Variants in CRADD observed in about 807,000 individuals in gnomAD.
The protein encoded by CRADD is CARD and death domain containing adaptor protein.
In CRADD, 9 loss-of-function variants were observed where a neutral mutation model predicts 15.5. The observed-to-expected ratio is 0.58, with a 90% CI of 0.35 to 1.01. CRADD has a LOEUF of 1.01. CRADD is among the 50% of genes least tolerant of loss of function. The pLI is 0.02. For missense variants in CRADD, 227 were observed against 250.3 expected (o/e 0.91, Z 0.63); for synonymous variants, 118 against 107.6 (o/e 1.10, Z -0.60).
chr12:93,800,332 C>T (rs951393223), intron 2 of CRADD, among the ~76,000 whole-genome samples: 20 of 152,198 alleles, frequency 1.3e-4, no homozygotes, highest in African/African-American at 4.8e-4. Context: ...AGAGAAAATT[C>T]ACCCTTCCTT....
At chr12:93,729,416 A>C (rs1956424504) in intron 2 of CRADD, among the ~76,000 whole-genome samples, 1 of 152,238 alleles carries the variant, frequency 6.6e-6, no homozygotes. Context: ...TATATACTTA[A>C]TCTTTATTTA....
intron 2 of CRADD, among the ~76,000 whole-genome samples, chr12:93,802,015 G>C (rs1957481694): frequency 6.6e-6 from 1 of 152,208 alleles, no homozygotes; most frequent in South Asian, 2.1e-4. Flanking sequence ...TGCCACAAAA[G>C]ACATTATTTC....
intron 2 of CRADD, among the ~76,000 whole-genome samples, chr12:93,818,155 C>T (rs1339207564): frequency 1.3e-5 from 2 of 152,104 alleles, no homozygotes; most frequent in Admixed American, 6.5e-5. Context: ...TACAAGGACA[C>T]GAACATGCAT....
chr12:93,777,167 C>T (rs773480713), intron 2 of CRADD, among the ~76,000 whole-genome samples: 13 of 152,134 alleles, frequency 8.5e-5, no homozygotes, highest in Non-Finnish European at 1.5e-4. Context: ...AGCCAGCGAG[C>T]CAGGCAAGGT....
At chr12:93,893,914 A>T (rs1958594180) in intron 2 of CRADD, 1 of 626,538 alleles carries the variant, frequency 1.6e-6, no homozygotes, top group Non-Finnish European at 2.8e-6. Flanking sequence ...AAGAAAAAAA[A>T]AAAAATAAGC....
intron 2 of CRADD, among the ~76,000 whole-genome samples, chr12:93,885,766 C>G (rs1029299350): frequency 6.6e-6 from 1 of 152,188 alleles, no homozygotes; most frequent in Non-Finnish European, 1.5e-5. Context: ...GGGCCAGGCA[C>G]AGTGGCTCAC....
At chr12:93,725,006 A>G (rs940234873) in intron 2 of CRADD, among the ~76,000 whole-genome samples, 1 of 151,900 alleles carries the variant, frequency 6.6e-6, no homozygotes, top group African/African-American at 2.4e-5. Flanking sequence ...GACTTCAGGC[A>G]CCCGCCACCA....
At chr12:93,769,523 G>T (rs1592974519) in intron 2 of CRADD, among the ~76,000 whole-genome samples, 1 of 152,176 alleles carries the variant, frequency 6.6e-6, no homozygotes, top group East Asian at 1.9e-4. Flanking sequence ...TATGCCTTAG[G>T]AATGGAATTG....
At chr12:93,774,638 A>G (rs1957122851) in intron 2 of CRADD, among the ~76,000 whole-genome samples, 1 of 152,170 alleles carries the variant, frequency 6.6e-6, no homozygotes, top group African/African-American at 2.4e-5. Context: ...GAGGTTTGGT[A>G]TTTTAGGGTA....
chr12:93,869,152 T>C (rs1958396712), intron 2 of CRADD, among the ~76,000 whole-genome samples: 1 of 152,276 alleles, frequency 6.6e-6, no homozygotes, highest in South Asian at 2.1e-4. Flanking sequence ...CATCATGCCC[T>C]AGATATAAGG....
chr12:93,741,747 C>A (rs1287082453), intron 2 of CRADD, among the ~76,000 whole-genome samples: 1 of 152,154 alleles, frequency 6.6e-6, no homozygotes, highest in East Asian at 1.9e-4. Flanking sequence ...TACTCACAAG[C>A]CTTTCTGCTT....
At chr12:93,725,164 C>G (rs538671018) in intron 2 of CRADD, among the ~76,000 whole-genome samples, 1 of 152,212 alleles carries the variant, frequency 6.6e-6, no homozygotes, top group South Asian at 2.1e-4. Flanking sequence ...CCGGCCCAGA[C>G]TTATTATTTT....
At chr12:93,890,734 T>C in intron 2 of CRADD, among the ~76,000 whole-genome samples, 1 of 151,980 alleles carries the variant, frequency 6.6e-6, no homozygotes, top group Non-Finnish European at 1.5e-5. Context: ...TGTTTTCTTT[T>C]GTTGTTGTTG....
intron 2 of CRADD, among the ~76,000 whole-genome samples, chr12:93,695,603 A>G (rs1412388629): frequency 6.6e-6 from 1 of 152,162 alleles, no homozygotes; most frequent in Non-Finnish European, 1.5e-5. Context: ...CAAGAAAACA[A>G]CCCAATTAAA....
intron 2 of CRADD, among the ~76,000 whole-genome samples, chr12:93,764,854 ACTTT>A (rs1358875412): frequency 1.3e-5 from 2 of 151,874 alleles, no homozygotes; most frequent in Non-Finnish European, 2.9e-5. Context: ...ATAGGACTTA[ACTTT>A]CTATGAGTGT....
intron 2 of CRADD, among the ~76,000 whole-genome samples, chr12:93,769,651 AC>A (rs1288534952): frequency 6.6e-6 from 1 of 152,232 alleles, no homozygotes; most frequent in Non-Finnish European, 1.5e-5. Context: ...CTTTGGCAAC[AC>A]TTGGTTTGGT....
chr12:93,779,835 C>G (rs930234373), intron 2 of CRADD, among the ~76,000 whole-genome samples: 1 of 152,184 alleles, frequency 6.6e-6, no homozygotes, highest in Admixed American at 6.5e-5. Flanking sequence ...GTGATCTGCC[C>G]GCCTTAGTCT....
chr12:93,825,403 G>A (rs1346020734), intron 2 of CRADD, among the ~76,000 whole-genome samples: 1 of 152,190 alleles, frequency 6.6e-6, no homozygotes, highest in African/African-American at 2.4e-5. Context: ...GTGACCCCTT[G>A]GGAGAAGATG....
intron 2 of CRADD, among the ~76,000 whole-genome samples, chr12:93,747,166 G>T (rs75791874): frequency 6.6e-6 from 1 of 152,046 alleles, no homozygotes; most frequent in Non-Finnish European, 1.5e-5. Context: ...ATGGAAAAAC[G>T]TATTGAATTC....
Sources: gnomAD v4.1 joint callset for allele counts (sites outside exome capture counted in the v4.1 genomes callset) on GRCh38, gnomAD v4.1.1 for gene constraint, MANE v1.5 for transcripts, NCBI Gene and HGNC (gene_info 2026-07-23, HGNC 2026-07-21) for gene names.